The following SLC35F3 variants were observed in gnomAD, a reference collection of about 807,000 sequenced individuals.
The protein encoded by SLC35F3 is solute carrier family 35 member F3, also known as putative thiamine transporter SLC35F3.
In SLC35F3, 25 loss-of-function variants were observed where a neutral mutation model predicts 49.9. The observed-to-expected ratio is 0.50, with a 90% CI of 0.37 to 0.70. The LOEUF (loss-of-function observed/expected upper bound fraction) is 0.70. Among genes scored for constraint, SLC35F3 ranks in the 30% least tolerant of loss-of-function variants. The pLI is 0.00. For synonymous variants in SLC35F3, 275 were observed against 265.4 expected (o/e 1.04, Z -0.35); for missense variants, 525 against 639.8 (o/e 0.82, Z 1.94).
intron 2 of SLC35F3, among the ~76,000 whole-genome samples, chr1:234,186,255 GCTCCGCT>G (rs1433949476): frequency 6.6e-6 from 1 of 151,932 alleles, no homozygotes; most frequent in Non-Finnish European, 1.5e-5. Flanking sequence ...CATGCAGTGG[GCTCCGCT>G]CTGCTGAGTC....
chr1:233,911,908 CT>C (rs1452558265), intron 2 of SLC35F3, among the ~76,000 whole-genome samples: 12 of 152,292 alleles, frequency 7.9e-5, no homozygotes, highest in Non-Finnish European at 2.9e-5. Context: ...CCTCCTGGAT[CT>C]CATTAAAAAG....
intron 2 of SLC35F3, among the ~76,000 whole-genome samples, chr1:234,186,811 T>G (rs1666650234): frequency 6.6e-6 from 1 of 152,204 alleles, no homozygotes; most frequent in African/African-American, 2.4e-5. Context: ...ATTATTGACA[T>G]ATTGATGGAA....
In SLC35F3 at chr1:234,046,957, C is replaced by T. The variant is rs1325224315; in HGVS notation, c.283+141199C>T. 2.6e-5 allele frequency among the ~76,000 whole-genome samples: 4 copies of T among 152,188 alleles called. No individual in the cohort carries two copies. The East Asian group carries it at 7.7e-4, about 29-fold the overall frequency. ...CACAACCTTAGTTACTCTAGCTGTA[C>T]TATAAGTCTCACTTCCTAACAGGTC... On this transcript the variant is annotated intron_variant, in intron 2 of 7. Transcript: ENST00000366618. This position sits in a 1 kb window ranked among gnomAD's most constrained non-coding sequence, Gnocchi z 4.4.
At chr1:234,242,146 C>T (rs1455213425) in intron 3 of SLC35F3, among the ~76,000 whole-genome samples, 1 of 152,212 alleles carries the variant, frequency 6.6e-6, no homozygotes. Context: ...AATCAAATCA[C>T]ATGCTTTTGG....
chr1:234,085,598 G>C (rs1558225270), intron 2 of SLC35F3, among the ~76,000 whole-genome samples: 1 of 152,184 alleles, frequency 6.6e-6, no homozygotes, highest in Non-Finnish European at 1.5e-5. Flanking sequence ...ACCTCAGTGT[G>C]CCCACCCTTT....
At chr1:233,997,886 G>C (rs1032236598) in intron 2 of SLC35F3, among the ~76,000 whole-genome samples, 20 of 151,682 alleles carry the variant, frequency 1.3e-4, no homozygotes, top group Non-Finnish European at 2.8e-4. Flanking sequence ...CAAGTAGCTG[G>C]GATTACAGGC....
In SLC35F3 at chr1:233,974,174, C is replaced by CTTTTTTTTTTTTTTTTTTTTTTTTTTT. The variant is rs757673463; in HGVS notation, c.283+68417_283+68443dup. Among the ~76,000 whole-genome samples, 4 of 83,096 alleles carry CTTTTTTTTTTTTTTTTTTTTTTTTTTT rather than the reference C, an allele frequency of 4.8e-5. 1 individual carries two copies. The highest frequency in any genetic ancestry group is 6.6e-5 in the Non-Finnish European group (3 of 45,148). The allele number at this position is 83,096 out of a possible 152,430, so 54.5% of individuals were successfully genotyped here. On this transcript the variant is annotated intron_variant, in intron 2 of 7. Transcript: ENST00000366618. ...TACATTCCAGGATGTATTTCTATTT[C>CTTTTTTTTTTTTTTTTTTTTTTTTTTT]TTTTTTTTTTTTTTTTTTTTTTTTT...
rs1205153040 is a variant in SLC35F3, at chr1:234,108,422, TATATATAAAAG to T, written c.284-122987_284-122977del. On this transcript the variant is annotated intron_variant, in intron 2 of 7. Transcript: ENST00000366618. Reference sequence around the variant, plus strand: ...ATTTATATATATGATATATATTATTTATATATAAAAGATATATATAAAAGATATATATTATT... The same window carrying T: ...ATTTATATATATGATATATATTATTTATATATATAAAAGATATATATTATT... 0.06 allele frequency among the ~76,000 whole-genome samples: 5,554 copies of T among 92,324 alleles called. 1,232 individuals carry two copies. The East Asian group carries it at 0.71, about 12-fold the overall frequency. 60.6% of individuals were successfully genotyped at this position (92,324 alleles called of 152,430 possible). A position where few individuals can be genotyped will look rare whatever the true frequency, so the allele number is the denominator to read the frequency against.
intron 2 of SLC35F3, among the ~76,000 whole-genome samples, chr1:234,156,717 G>A (rs1666157755): frequency 6.6e-6 from 1 of 152,056 alleles, no homozygotes; most frequent in Non-Finnish European, 1.5e-5. Flanking sequence ...AAATACCCCA[G>A]ATCTCCATTA....
Position 234,137,856 on chromosome 1 carries a change from G to A in SLC35F3, c.284-93561G>A, listed in dbSNP as rs190780988. On this transcript the variant is annotated intron_variant, in intron 2 of 7. Coordinates refer to ENST00000366618, the MANE Select transcript of SLC35F3 (RefSeq NM_173508.4). Reference sequence around the variant, plus strand: ...TTAAGTATTTAGGTGGAAGGAAAGAGAAATGGTCCCCATCTGACTGGCGAG... The same window carrying A: ...TTAAGTATTTAGGTGGAAGGAAAGAAAAATGGTCCCCATCTGACTGGCGAG... Among the ~76,000 whole-genome samples the A allele has an allele frequency of 1.1e-3, 162 of 152,296 alleles. 2 individuals carry two copies. The highest frequency in any genetic ancestry group is 3.7e-3 in the African/African-American group (155 of 41,560).
chr1:234,319,820 G>T (rs1002284370), intron 6 of SLC35F3, among the ~76,000 whole-genome samples: 31 of 152,218 alleles, frequency 2.0e-4, no homozygotes, highest in African/African-American at 6.0e-4. Flanking sequence ...AAATTGGTAA[G>T]ATGGTCCCAG....
intron 2 of SLC35F3, among the ~76,000 whole-genome samples, chr1:233,946,984 T>C (rs1662522337): frequency 6.6e-6 from 1 of 152,188 alleles, no homozygotes; most frequent in Non-Finnish European, 1.5e-5. Context: ...TATTCAAATG[T>C]CATTGATAGA....
intron 3 of SLC35F3, among the ~76,000 whole-genome samples, chr1:234,306,231 G>C (rs1401077131): frequency 6.6e-6 from 1 of 152,188 alleles, no homozygotes; most frequent in Non-Finnish European, 1.5e-5. Context: ...TGCAATCTCA[G>C]CTCACTGCAA....
intron 2 of SLC35F3, among the ~76,000 whole-genome samples, chr1:234,097,986 T>A (rs1344296842): frequency 6.6e-6 from 1 of 150,672 alleles, no homozygotes; most frequent in Non-Finnish European, 1.5e-5. Context: ...GTTCAGATGG[T>A]GGTGGTAGTG....
At chr1:234,209,764 C>T (rs936251630) in intron 2 of SLC35F3, among the ~76,000 whole-genome samples, 36 of 151,910 alleles carry the variant, frequency 2.4e-4, no homozygotes, top group African/African-American at 6.8e-4. Flanking sequence ...AACTCCTCTT[C>T]GGCAAGCAGA....
chr1:234,009,477 T>C (rs148267036), intron 2 of SLC35F3, among the ~76,000 whole-genome samples: 54 of 152,334 alleles, frequency 3.5e-4, no homozygotes, highest in Non-Finnish European at 5.0e-4. Context: ...AATTTGCTTA[T>C]CCCAATCTAA....
At chr1:233,937,298 A>G (rs1010132177) in intron 2 of SLC35F3, among the ~76,000 whole-genome samples, 1 of 152,276 alleles carries the variant, frequency 6.6e-6, no homozygotes, top group African/African-American at 2.4e-5. Context: ...GATAAAGATC[A>G]GGATACAAAA....
chr1:234,239,630 A>G (rs932150849), intron 3 of SLC35F3, among the ~76,000 whole-genome samples: 2 of 152,240 alleles, frequency 1.3e-5, no homozygotes, highest in African/African-American at 4.8e-5. Flanking sequence ...CTCTCCAGAA[A>G]TACTACTAGG....
intron 2 of SLC35F3, among the ~76,000 whole-genome samples, chr1:234,177,557 C>T (rs1666495297): frequency 6.6e-6 from 1 of 152,202 alleles, no homozygotes; most frequent in African/African-American, 2.4e-5. Context: ...GCAAAGACCA[C>T]ATAAAGACGG....
Sources: gnomAD v4.1 joint callset for allele counts (sites outside exome capture counted in the v4.1 genomes callset) on GRCh38, gnomAD v4.1.1 for gene constraint, Gnocchi (gnomAD v3.1) non-coding constraint, MANE v1.5 for transcripts, NCBI Gene and HGNC (gene_info 2026-07-23, HGNC 2026-07-21) for gene names.